MAGI2: variants seen among roughly 807,000 people sequenced by gnomAD.
MAGI2 encodes membrane associated guanylate kinase, WW and PDZ domain containing 2.
In MAGI2, 35 loss-of-function variants were observed where a neutral mutation model predicts 133.3. The ratio of observed to expected loss-of-function variants is 0.26; its 90% CI spans 0.20 to 0.35. The LOEUF is 0.35. MAGI2 is among the 10% of genes least tolerant of loss of function. The probability of loss-of-function intolerance (pLI) is 1.00; values close to 1 mark genes in which losing one functional copy is unlikely to be tolerated. For synonymous variants in MAGI2, 729 were observed against 710.6 expected, an observed-to-expected ratio of 1.03 and a Z score of -0.41; for missense variants, 1,636 against 1,863.4, an observed-to-expected ratio of 0.88 and a Z score of 2.25.
chr7:78,464,691 T>C (rs1479782537), intron 6 of MAGI2, among the ~76,000 whole-genome samples: 1 of 152,026 alleles, frequency 6.6e-6, no homozygotes, highest in African/African-American at 2.4e-5. Context: ...CTTGTGTTTT[T>C]AAATCCTAGG....
intron 2 of MAGI2, among the ~76,000 whole-genome samples, chr7:78,829,442 A>G (rs973800502): frequency 1.3e-5 from 2 of 151,824 alleles, no homozygotes; most frequent in African/African-American, 4.9e-5. Context: ...TCATGGCTCA[A>G]TTAAAGAGCA....
intron 1 of MAGI2, among the ~76,000 whole-genome samples, chr7:79,419,610 G>A (rs554051840): frequency 6.6e-6 from 1 of 152,072 alleles, no homozygotes; most frequent in South Asian, 2.1e-4. Flanking sequence ...CTTTGTTTAT[G>A]CATCTATGAT....
intron 1 of MAGI2, among the ~76,000 whole-genome samples, chr7:79,117,254 A>T (rs1424671065): frequency 6.6e-6 from 1 of 152,198 alleles, no homozygotes; most frequent in Non-Finnish European, 1.5e-5. Flanking sequence ...CAATAAACTG[A>T]ACTATTTTTG....
chr7:78,593,114 C>A (rs1227308033), intron 3 of MAGI2, among the ~76,000 whole-genome samples: 1 of 119,426 alleles, frequency 8.4e-6, no homozygotes, highest in Admixed American at 9.0e-5. Context: ...AACCACCGCA[C>A]CTGGCCCCTG....
chr7:78,472,376 A>C (rs1023350283), intron 6 of MAGI2, among the ~76,000 whole-genome samples: 3 of 152,124 alleles, frequency 2.0e-5, no homozygotes, highest in African/African-American at 7.2e-5. Context: ...AAGATAAAAC[A>C]AATGTAGACA....
At chr7:79,332,813 C>G (rs1413421476) in intron 1 of MAGI2, among the ~76,000 whole-genome samples, 1 of 152,170 alleles carries the variant, frequency 6.6e-6, no homozygotes, top group Non-Finnish European at 1.5e-5. Context: ...ATTTTACATT[C>G]ATCATACCCA....
At chr7:78,060,311 C>T (rs1199220406) in intron 21 of MAGI2, among the ~76,000 whole-genome samples, 1 of 144,372 alleles carries the variant, frequency 6.9e-6, no homozygotes, top group Non-Finnish European at 1.5e-5. Context: ...CTTGTGGCTT[C>T]TACAACCATC....
chr7:78,398,337 AACTTG>A (rs1400516111), intron 6 of MAGI2, among the ~76,000 whole-genome samples: 2 of 152,082 alleles, frequency 1.3e-5, no homozygotes, highest in African/African-American at 4.8e-5. Context: ...TGCACCTCTC[AACTTG>A]ACTTGACTCT....
intron 20 of MAGI2, among the ~76,000 whole-genome samples, chr7:78,085,282 T>A (rs929232169): frequency 6.6e-6 from 1 of 152,084 alleles, no homozygotes; most frequent in Non-Finnish European, 1.5e-5. Context: ...TAATCTCAGT[T>A]CTTTGGAAGG....
At chr7:78,876,321 C>CAAAAAA (rs57950337) in intron 2 of MAGI2, among the ~76,000 whole-genome samples, 17,796 of 79,026 alleles carry the variant, frequency 0.23, 2,797 homozygotes, top group East Asian at 0.34. Context: ...GACTCCGTCT[C>CAAAAAA]AAAAAAAAAA....
At chr7:79,190,107 G>A (rs1327720716) in intron 1 of MAGI2, among the ~76,000 whole-genome samples, 2 of 151,476 alleles carry the variant, frequency 1.3e-5, no homozygotes, top group African/African-American at 2.4e-5. Context: ...CAGTTTTTTT[G>A]TGGACATAAA....
At chr7:79,205,045 G>A (rs1386511459) in intron 1 of MAGI2, among the ~76,000 whole-genome samples, 1 of 151,368 alleles carries the variant, frequency 6.6e-6, no homozygotes, top group Non-Finnish European at 1.5e-5. Context: ...AAAGATCAAG[G>A]GTTAGAAAGT....
At chr7:78,266,998 G>A (rs985865937) in intron 9 of MAGI2, among the ~76,000 whole-genome samples, 5 of 152,134 alleles carry the variant, frequency 3.3e-5, no homozygotes, top group Admixed American at 1.3e-4. Flanking sequence ...TACCCACACT[G>A]GGTGTTGCAG....
At chr7:79,418,830 TACACACACACACACACACACACAC>T (rs57172659) in intron 1 of MAGI2, among the ~76,000 whole-genome samples, 1 of 137,838 alleles carries the variant, frequency 7.3e-6, no homozygotes, top group African/African-American at 2.5e-5. Context: ...CCAATACACA[TACACACACACACACACACACACAC>T]ACACACACAC....
intron 2 of MAGI2, among the ~76,000 whole-genome samples, chr7:78,683,287 A>G (rs774878907): frequency 1.3e-5 from 2 of 152,178 alleles, no homozygotes; most frequent in African/African-American, 2.4e-5. Flanking sequence ...TACAAAGATG[A>G]TATTAGGATG....
intron 1 of MAGI2, among the ~76,000 whole-genome samples, chr7:79,331,449 T>C (rs546298239): frequency 1.3e-5 from 2 of 152,298 alleles, no homozygotes; most frequent in East Asian, 3.9e-4. Context: ...ACGTAGACAT[T>C]TGGGAATATA....
chr7:78,403,819 A>C (rs1396402153), intron 6 of MAGI2, among the ~76,000 whole-genome samples: 3 of 152,102 alleles, frequency 2.0e-5, no homozygotes, highest in Non-Finnish European at 4.4e-5. Context: ...TGTCTGGTCA[A>C]TCAGGCAGGA....
chr7:79,288,819 A>T (rs111658036), intron 1 of MAGI2, among the ~76,000 whole-genome samples: 5,358 of 152,230 alleles, frequency 0.035, 134 homozygotes, highest in African/African-American at 0.063. Context: ...CACAGAGGGA[A>T]GGATGATGCC....
chr7:78,424,236 C>T (rs1242356775), intron 6 of MAGI2, among the ~76,000 whole-genome samples: 1 of 152,168 alleles, frequency 6.6e-6, no homozygotes, highest in Non-Finnish European at 1.5e-5. Flanking sequence ...CAGGCTGTTG[C>T]CTCAGAGGAT....
Sources: gnomAD v4.1 joint callset for allele counts (sites outside exome capture counted in the v4.1 genomes callset) on GRCh38, gnomAD v4.1.1 for gene constraint, MANE v1.5 for transcripts, NCBI Gene and HGNC (gene_info 2026-07-23, HGNC 2026-07-21) for gene names.